ZNF75D: variants seen among roughly 807,000 people sequenced by gnomAD.
ZNF75D encodes zinc finger protein 75.
In ZNF75D, 33 loss-of-function variants were observed where a neutral mutation model predicts 33.3. The observed-to-expected ratio is 0.99, with a 90% CI of 0.75 to 1.32. The LOEUF is 1.32. ZNF75D is among the 40% of genes most tolerant of loss of function. The pLI is 0.00. For synonymous variants in ZNF75D, 113 were observed against 130.6 expected, an observed-to-expected ratio of 0.87 and a Z score of 0.92; for missense variants, 338 against 367.5, an observed-to-expected ratio of 0.92 and a Z score of 0.66.
At chrX:135,318,788 T>A (rs1392850282) in intron 1 of ZNF75D, among the ~76,000 whole-genome samples, 2 of 111,789 alleles carry the variant, frequency 1.8e-5, no homozygotes, top group Non-Finnish European at 3.8e-5. Flanking sequence ...AAAACTGATG[T>A]GGCGTGGTAT....
intron 1 of ZNF75D, among the ~76,000 whole-genome samples, chrX:135,339,777 T>C (rs1201262972): frequency 8.9e-6 from 1 of 112,218 alleles, no homozygotes; most frequent in Non-Finnish European, 1.9e-5. Context: ...TGCCCAGCTC[T>C]AGAAGAGCCC....
intron 1 of ZNF75D, among the ~76,000 whole-genome samples, chrX:135,275,063 G>T (rs782465073): frequency 8.9e-6 from 1 of 112,219 alleles, no homozygotes; most frequent in African/African-American, 3.2e-5. Flanking sequence ...GATTTGAAAA[G>T]GTTAGCCATG....
chrX:135,297,924 T>C (rs2084157851), intron 1 of ZNF75D, among the ~76,000 whole-genome samples: 1 of 111,957 alleles, frequency 8.9e-6, no homozygotes, highest in African/African-American at 3.2e-5. Flanking sequence ...TTCTTCCTAG[T>C]CATGTCTTCA....
intron 1 of ZNF75D, among the ~76,000 whole-genome samples, chrX:135,326,647 T>G (rs2084581510): frequency 8.9e-6 from 1 of 111,982 alleles, no homozygotes; most frequent in African/African-American, 3.2e-5. Context: ...TGCTCACTCT[T>G]TGGGTCCACA....
At position 135,310,171 on chromosome X, in the gene ZNF75D, G is replaced by T. The variant is rs1289489777; in HGVS notation, c.-390-14132C>A. Among the ~76,000 whole-genome samples the T allele has an allele frequency of 1.8e-5, 2 of 111,911 alleles. 1 individual carries two copies. Among genetic ancestry groups the T allele is most frequent in the African/African-American group, 6.5e-5 (2 of 30,762 alleles). ...ATGTCATGTCCACAGAGCCTTCCAG[G>T]GGCAACTGCTCTATTCAGTGTCCCC... On this transcript the variant is annotated intron_variant, in intron 1 of 6. Transcript: ENST00000370766.
chrX:135,263,227 C>T (rs891643053), intron 1 of ZNF75D, among the ~76,000 whole-genome samples: 63 of 112,692 alleles, frequency 5.6e-4, no homozygotes, highest in African/African-American at 2.0e-3. Flanking sequence ...AGGTGTCTGT[C>T]GGCCCCTACT....
chrX:135,261,373 ATCTG>A (rs1376651016), intron 1 of ZNF75D, among the ~76,000 whole-genome samples: 119 of 111,889 alleles, frequency 1.1e-3, no homozygotes, highest in African/African-American at 3.6e-3. Context: ...TGTCTTGTTG[ATCTG>A]TCTAATATTG....
intron 1 of ZNF75D, among the ~76,000 whole-genome samples, chrX:135,303,945 G>C (rs1466760233): frequency 1.8e-5 from 2 of 112,637 alleles, no homozygotes; most frequent in African/African-American, 6.4e-5. Flanking sequence ...TCCTTAAACA[G>C]AACAAACAGG....
chrX:135,309,496 C>CT (rs2084331947), intron 1 of ZNF75D: 1 of 295,005 alleles, frequency 3.4e-6, no homozygotes, highest in African/African-American at 2.8e-5. Flanking sequence ...AAAGAACTCC[C>CT]TAAAGCCAGT....
intron 1 of ZNF75D, among the ~76,000 whole-genome samples, chrX:135,258,099 G>C (rs921709273): frequency 1.0e-4 from 11 of 106,090 alleles, no homozygotes; most frequent in Non-Finnish European, 2.0e-4. Flanking sequence ...TGCTGAGAAT[G>C]ATGGTTTCCA....
At chrX:135,317,824 T>G (rs2084440003) in intron 1 of ZNF75D, among the ~76,000 whole-genome samples, 1 of 111,158 alleles carries the variant, frequency 9.0e-6, no homozygotes, top group Admixed American at 9.5e-5. Flanking sequence ...TCCTTGGGCC[T>G]CTTGATGATA....
At chrX:135,259,138 T>C (rs2083826427) in intron 1 of ZNF75D, among the ~76,000 whole-genome samples, 1 of 111,795 alleles carries the variant, frequency 8.9e-6, no homozygotes, top group African/African-American at 3.3e-5. Context: ...GGCTCTGTTC[T>C]GTTCCATTGG....
downstream of ZNF75D, among the ~76,000 whole-genome samples, chrX:135,283,886 A>G (rs1406734151): frequency 4.5e-5 from 5 of 111,753 alleles, no homozygotes; most frequent in Admixed American, 3.8e-4. Context: ...ACCCACTCAC[A>G]TGCTCTTGTG....
At chrX:135,258,246 C>T (rs1428313495) in intron 1 of ZNF75D, among the ~76,000 whole-genome samples, 1 of 106,768 alleles carries the variant, frequency 9.4e-6, no homozygotes, top group Non-Finnish European at 2.0e-5. Flanking sequence ...AATAGTGCTG[C>T]AATAAACATA....
At chrX:135,322,254 A>G (rs1188253609) in intron 1 of ZNF75D, among the ~76,000 whole-genome samples, 3 of 112,105 alleles carry the variant, frequency 2.7e-5, no homozygotes, top group African/African-American at 9.7e-5. Context: ...TAATTCTGTC[A>G]ACCCATTTTA....
intron 1 of ZNF75D, among the ~76,000 whole-genome samples, chrX:135,264,623 A>G (rs2083856132): frequency 8.9e-6 from 1 of 112,093 alleles, no homozygotes; most frequent in African/African-American, 3.2e-5. Flanking sequence ...CTGTTTTGAG[A>G]AAAATAAATT....
intron 6 of ZNF75D, among the ~76,000 whole-genome samples, chrX:135,290,410 A>G (rs191715771): frequency 8.9e-6 from 1 of 112,520 alleles, no homozygotes; most frequent in East Asian, 2.8e-4. Context: ...TGTGAATTCT[A>G]ACTCATTTTA....
rs14241 is a variant in ZNF75D at position 135,286,291 on chromosome X, C to T, written c.*846G>A. On this transcript the variant is annotated 3_prime_UTR_variant, in exon 7 of 7. Transcript: ENST00000370766. ...CCCTTTAGGTCCTGCAGCAGTATGG[C>T]ACCAGTTTGAAAGCCTCCATCCAGT... 0.21 allele frequency: 23,490 copies of T among 110,811 alleles called. 2,049 individuals carry two copies. The highest frequency in any genetic ancestry group is 0.38 in the Middle Eastern group (81 of 216). 9.1% of individuals were successfully genotyped at this position (110,811 alleles called of 1,213,427 possible).
chrX:135,326,572 C>G (rs1412476233), intron 1 of ZNF75D, among the ~76,000 whole-genome samples: 1 of 112,178 alleles, frequency 8.9e-6, no homozygotes, highest in Non-Finnish European at 1.9e-5. Context: ...AGGGGCAACC[C>G]ACTTGGGTCC....
Sources: allele counts gnomAD v4.1 joint callset (sites outside exome capture counted in the v4.1 genomes callset), GRCh38; gene constraint gnomAD v4.1.1; transcripts MANE v1.5; gene names NCBI Gene and HGNC (gene_info 2026-07-23, HGNC 2026-07-21).